The following PHKB variants were observed in gnomAD, a reference collection of about 807,000 sequenced individuals.
PHKB encodes phosphorylase kinase regulatory subunit beta.
Under a neutral mutation model 152.1 loss-of-function variants are expected in PHKB, and 122 were observed. That is an observed-to-expected ratio of 0.80 (90% confidence interval 0.69 to 0.93). The LOEUF (loss-of-function observed/expected upper bound fraction) is 0.93. Ranked by LOEUF, PHKB falls within the 40% of genes least tolerant of loss-of-function variation. The pLI is 0.00. For synonymous variants in PHKB, 436 were observed against 464.9 expected, an observed-to-expected ratio of 0.94 and a Z score of 0.80; for missense variants, 1,304 against 1,328.4, an observed-to-expected ratio of 0.98 and a Z score of 0.29.
At chr16:47,601,374 G>A (rs1422047092) in intron 13 of PHKB, among the ~76,000 whole-genome samples, 1 of 152,076 alleles carries the variant, frequency 6.6e-6, no homozygotes, top group Non-Finnish European at 1.5e-5. Context: ...TATTCACTAT[G>A]TCCTAAAAAG....
chr16:47,503,176 G>A, intron 4 of PHKB, 86 bp downstream of exon 4: 1 of 967,052 alleles, frequency 1.0e-6, no homozygotes. Flanking sequence ...TTCTGAAGAA[G>A]AATGTACTTT....
At chr16:47,505,621 A>G (rs548005326) in intron 4 of PHKB, 1 of 152,324 alleles carries the variant, frequency 6.6e-6, no homozygotes, top group South Asian at 2.1e-4. Flanking sequence ...CGTGTTTCAG[A>G]TGCGTTTCCA....
chr16:47,609,265 G>A (rs562136930), intron 13 of PHKB, among the ~76,000 whole-genome samples: 12 of 152,172 alleles, frequency 7.9e-5, no homozygotes, highest in South Asian at 4.2e-4. Flanking sequence ...TGGTTATGAT[G>A]TGTAATCCCT....
chr16:47,552,770 T>C (rs1426398291), intron 7 of PHKB, among the ~76,000 whole-genome samples: 4 of 150,964 alleles, frequency 2.6e-5, no homozygotes, highest in South Asian at 2.1e-4. Context: ...TGAGCCAAGA[T>C]TGTGTCACTG....
chr16:47,596,437 C>T lies in PHKB; in HGVS notation c.1269C>T (p.Asn423=). ...PADFVEYEKN[N]PGSQKRFPSN... is the part of the protein sequence containing the mutation. ...ACTTTGTAGAATATGAAAAAAATAA[C>T]CCTGGTAGTCAAAAACGATTTCCTA... The change falls in exon 13 of 31, where the codon AAC becomes AAT. Residue 423 remains asparagine, a synonymous_variant. Transcript: ENST00000323584. 2 of 1,612,466 alleles carry T rather than the reference C, an allele frequency of 1.2e-6. No homozygotes were observed. The highest frequency in any genetic ancestry group is 8.5e-7 in the Non-Finnish European group (1 of 1,178,550).
rs758802762 is a variant in PHKB, at chr16:47,511,726, A to T, written c.467A>T (p.His156Leu). The T allele has an allele frequency of 6.2e-7, 1 of 1,612,864 alleles. No individual in the cohort carries two copies. The highest frequency in any genetic ancestry group is 8.5e-7 in the Non-Finnish European group (1 of 1,178,834). ...TGTCTTCACTCTGTTTTCAATGTGC[A>T]TACAGGAGATGAGTTGCTTTCCTAT... Reference protein sequence around the residue: ...TTCLHSVFNVHTGDELLSYEE... With the variant: ...TTCLHSVFNVLTGDELLSYEE... The change falls in exon 5 of 31, where the codon CAT (histidine) becomes CTT (leucine). Residue 156 changes from histidine to leucine, a missense_variant. Transcript: ENST00000323584.
chr16:47,606,382 A>G (rs1004215033), intron 13 of PHKB, among the ~76,000 whole-genome samples: 1 of 152,230 alleles, frequency 6.6e-6, no homozygotes, highest in Non-Finnish European at 1.5e-5. Flanking sequence ...ATGAACTGTA[A>G]TCTTTTTAGT....
intron 20 of PHKB, among the ~76,000 whole-genome samples, chr16:47,656,444 C>T (rs1310757211): frequency 2.0e-5 from 3 of 152,142 alleles, no homozygotes; most frequent in Non-Finnish European, 4.4e-5. Context: ...TCTAGACTTA[C>T]AGTCATCAGT....
In PHKB at chr16:47,515,578, CAGATT is replaced by C. The variant is rs1233197046; in HGVS notation, c.573_577del (p.Gln191HisfsTer5). 5 of 1,456,688 alleles carry C rather than the reference CAGATT, an allele frequency of 3.4e-6. No individual in the cohort carries two copies. Among genetic ancestry groups the C allele is most frequent in the Non-Finnish European group, 3.9e-6 (4 of 1,037,000 alleles). 90.2% of individuals were successfully genotyped at this position (1,456,688 alleles called of 1,614,324 possible). A position where few individuals can be genotyped will look rare whatever the true frequency, so the allele number is the denominator to read the frequency against. On this transcript the variant is annotated frameshift_variant, in exon 6 of 31. Transcript: ENST00000323584. LOFTEE classifies it high-confidence loss of function. ...TGTGGAAATGATTTCCTCAGGACTC[CAGATT>C]ATCTACAACACTGATGAGGTATGCT...
rs1972204720 is a variant in PHKB, at chr16:47,600,566, T to C, written c.1363+4035T>C. Among the ~76,000 whole-genome samples, 3 of 152,204 alleles carry C rather than the reference T, an allele frequency of 2.0e-5. No individual in the cohort carries two copies. The South Asian group carries it at 6.2e-4, about 31-fold the overall frequency. On this transcript the variant is annotated intron_variant, in intron 13 of 30. Transcript: ENST00000323584. ...CTTAAAAGTACAGTCATTCATTGCT[T>C]AATGGTAGGGCTACATTCTGAGAAT...
intron 6 of PHKB, among the ~76,000 whole-genome samples, chr16:47,543,425 G>A (rs1971099306): frequency 6.6e-6 from 1 of 152,096 alleles, no homozygotes; most frequent in Non-Finnish European, 1.5e-5. Flanking sequence ...GAGGATTTTT[G>A]CATCGATGTT....
intron 6 of PHKB, among the ~76,000 whole-genome samples, chr16:47,518,897 C>T (rs933040110): frequency 6.6e-6 from 1 of 152,184 alleles, no homozygotes; most frequent in Admixed American, 6.5e-5. Context: ...TGACATTCTC[C>T]ATTAATAAAT....
chr16:47,610,891 C>G lies in PHKB; in HGVS notation c.1429C>G (p.Arg477Gly). The change falls in exon 14 of 31, where the codon CGT becomes GGT. Residue 477 changes from arginine (R) to glycine (G), a missense_variant. Transcript: ENST00000323584. ...GCGCTATGTCCCACTAAAGGATCAA[C>G]GTAACGTGAGCATGAGGTTTTCCAA... is the stretch of plus-strand genomic sequence containing the variant. ...VQRYVPLKDQ[R>G]NVSMRFSNQG... is the part of the protein sequence containing the mutation. The G allele has an allele frequency of 6.3e-7, 1 of 1,598,772 alleles. No homozygotes were observed. Among genetic ancestry groups the G allele is most frequent in the Non-Finnish European group, 8.6e-7 (1 of 1,166,130 alleles).
intron 10 of PHKB, among the ~76,000 whole-genome samples, chr16:47,591,499 T>C (rs1245388733): frequency 6.6e-6 from 1 of 152,174 alleles, no homozygotes; most frequent in Non-Finnish European, 1.5e-5. Context: ...ACATTCTCCA[T>C]TGGCTGTGAC....
chr16:47,463,966 T>C, intron 1 of PHKB: 2 of 1,613,778 alleles, frequency 1.2e-6, no homozygotes, highest in Non-Finnish European at 1.7e-6. Flanking sequence ...TGCAGTCGTC[T>C]CTCCGTCTTC....
At chr16:47,515,836 C>CT (rs1188492606) in intron 6 of PHKB, among the ~76,000 whole-genome samples, 1 of 152,002 alleles carries the variant, frequency 6.6e-6, no homozygotes, top group Non-Finnish European at 1.5e-5. Context: ...CGTGAAGACT[C>CT]TATTTCAGGT....
chr16:47,495,008 A>G (rs1970208276), intron 1 of PHKB, among the ~76,000 whole-genome samples: 1 of 152,180 alleles, frequency 6.6e-6, no homozygotes, highest in South Asian at 2.1e-4. Context: ...ACATTTATCT[A>G]ACCAAGCTGT....
chr16:47,619,143 G>C (rs1287753627), intron 14 of PHKB: 1 of 152,210 alleles, frequency 6.6e-6, no homozygotes, highest in African/African-American at 2.4e-5. Flanking sequence ...GACAACGTGA[G>C]TCTCAGAGAG....
chr16:47,581,216 A>G (rs1971838845), intron 8 of PHKB, among the ~76,000 whole-genome samples: 1 of 152,214 alleles, frequency 6.6e-6, no homozygotes, highest in Non-Finnish European at 1.5e-5. Context: ...CAAGTCTTGA[A>G]TTTAAGAATG....
Sources: allele counts gnomAD v4.1 joint callset (sites outside exome capture counted in the v4.1 genomes callset), GRCh38; gene constraint gnomAD v4.1.1; transcripts MANE v1.5; gene names NCBI Gene and HGNC (gene_info 2026-07-23, HGNC 2026-07-21).